FRMPD1: variants seen among roughly 807,000 people sequenced by gnomAD.
FRMPD1 encodes FERM and PDZ domain containing 1.
A neutral mutation model predicts 117.8 loss-of-function variants in FRMPD1; 76 were observed. The observed-to-expected ratio is 0.65, with a 90% confidence interval of 0.54 to 0.78. The LOEUF (loss-of-function observed/expected upper bound fraction) is 0.78, where lower values mean the gene tolerates loss of function less well. FRMPD1 is among the 30% of genes least tolerant of loss of function. The pLI is 0.00. For synonymous variants in FRMPD1, 783 were observed against 770.4 expected, an observed-to-expected ratio of 1.02 and a Z score of -0.27; for missense variants, 1,786 against 1,964.5, an observed-to-expected ratio of 0.91 and a Z score of 1.72.
chr9:37,687,148 A>G (rs59213179), intron 1 of FRMPD1, among the ~76,000 whole-genome samples: 7,722 of 152,210 alleles, frequency 0.051, 584 homozygotes, highest in East Asian at 0.37. Flanking sequence ...GATCTTAACA[A>G]TTCTTGAGGA....
intron 2 of FRMPD1, among the ~76,000 whole-genome samples, chr9:37,705,116 G>GATCC (rs2086871985): frequency 6.6e-6 from 1 of 151,386 alleles, no homozygotes; most frequent in African/African-American, 2.4e-5. Flanking sequence ...TGTGTTTTGT[G>GATCC]TTTTTATCCT....
the FRMPD1 span, among the ~76,000 whole-genome samples, chr9:37,605,331 C>G: frequency 6.6e-6 from 1 of 152,168 alleles, no homozygotes; most frequent in Non-Finnish European, 1.5e-5. Flanking sequence ...GGGCTGGCAA[C>G]AAAGCCCAAC....
At chr9:37,730,508 T>G (rs1000716554) in intron 8 of FRMPD1, among the ~76,000 whole-genome samples, 3 of 152,228 alleles carry the variant, frequency 2.0e-5, no homozygotes, top group Non-Finnish European at 4.4e-5. Context: ...ACTCACCGAT[T>G]AGAAGGTTTA....
In FRMPD1 at chr9:37,655,496, C is replaced by CTTTT. The variant is rs10615941; in HGVS notation, c.-5+4424_-5+4427dup. Among the ~76,000 whole-genome samples the CTTTT allele has an allele frequency of 2.8e-3, 252 of 88,586 alleles. 3 individuals carry two copies. Among genetic ancestry groups the CTTTT allele is most frequent in the East Asian group, 0.015 (31 of 2,042 alleles). The allele number at this position is 88,586 out of a possible 152,430, so 58.1% of individuals were successfully genotyped here. ...CCCTCCTCTGCACCATGTCCCCACT[C>CTTTT]TTTTTTTTTTTTTTTTTTTTTTTTT... On this transcript the variant is annotated intron_variant, in intron 1 of 15. Coordinates refer to ENST00000377765, the MANE Select transcript of FRMPD1 (RefSeq NM_014907.3).
intron 1 of FRMPD1, among the ~76,000 whole-genome samples, chr9:37,656,299 C>T (rs1820842873): frequency 6.6e-6 from 1 of 152,220 alleles, no homozygotes; most frequent in Non-Finnish European, 1.5e-5. Context: ...ATTCTGATCC[C>T]TCAAGATGTA....
At chr9:37,743,520 C>CTTTTTTTTT (rs531949141) in intron 15 of FRMPD1, among the ~76,000 whole-genome samples, 3 of 40,934 alleles carry the variant, frequency 7.3e-5, no homozygotes, top group South Asian at 1.4e-3. Flanking sequence ...AATGGCTCTG[C>CTTTTTTTTT]TTTTTTTTTT....
upstream of FRMPD1, among the ~76,000 whole-genome samples, chr9:37,650,745 C>T (rs1820641761): frequency 6.6e-6 from 1 of 151,952 alleles, no homozygotes; most frequent in African/African-American, 2.4e-5. Flanking sequence ...GCGGCGGAGG[C>T]AGGGCCCGGG....
At chr9:37,737,264 C>G (rs1315633217) in intron 14 of FRMPD1, 21 bp downstream of exon 14, 1 of 1,613,080 alleles carries the variant, frequency 6.2e-7, no homozygotes, top group South Asian at 1.1e-5. Context: ...GAGTCTTGCC[C>G]CAATAAGGAC....
chr9:37,639,866 A>C, the FRMPD1 span, among the ~76,000 whole-genome samples: 2 of 152,134 alleles, frequency 1.3e-5, no homozygotes, highest in African/African-American at 2.4e-5. Context: ...TTGCCATGTT[A>C]CCCAGGCTGG....
At chr9:37,708,327 C>A in intron 3 of FRMPD1, 72 bp from the exon 4 acceptor site, 1 of 885,158 alleles carries the variant, frequency 1.1e-6, no homozygotes, top group Non-Finnish European at 1.9e-6. Flanking sequence ...TGCCATTTAA[C>A]TGTGCCGCTA....
chr9:37,732,237 C>A, intron 9 of FRMPD1, 67 bp from the exon 10 acceptor site: 12 of 1,553,828 alleles, frequency 7.7e-6, no homozygotes, highest in Non-Finnish European at 1.1e-5. Flanking sequence ...TGCCTTTCAC[C>A]CGAGAGAACG....
Position 37,745,976 on chromosome 9 carries a change from C to CT in FRMPD1, c.3947dup (p.Leu1316PhefsTer8), listed in dbSNP as rs766278721. 5 of 1,614,228 alleles carry CT rather than the reference C, an allele frequency of 3.1e-6. No homozygotes were observed. In the South Asian group the frequency reaches 4.4e-5, roughly 14 times the overall value. On this transcript the variant is annotated frameshift_variant, in exon 16 of 16. Transcript: ENST00000377765. LOFTEE classifies it high-confidence loss of function. ...TCTGCCAGTCTCAGGGTGGCCACAT[C>CT]TTTGGGTTTTGCAGGCATGAATGAG...
In FRMPD1 at chr9:37,746,673, C is replaced by G; in HGVS notation, c.4641C>G (p.His1547Gln). 6.2e-7 allele frequency: 1 copy of G among 1,614,010 alleles called. No individual in the cohort carries two copies. The highest frequency in any genetic ancestry group is 1.1e-5 in the South Asian group (1 of 91,088). ...AAKSTCERGYHDLSVKLLARQ... is the reference protein window; with the variant it reads ...AAKSTCERGYQDLSVKLLARQ... ...AATCGACCTGCGAGAGAGGCTACCA[C>G]GACCTGAGTGTGAAACTCCTGGCCC... Residue 1547 changes from histidine (H) to glutamine (Q), a missense_variant, in exon 16 of 16, where the codon CAC becomes CAG. Transcript: ENST00000377765.
chr9:37,719,098 G>A lies in FRMPD1; in HGVS notation c.438G>A (p.Glu146=), dbSNP rs1322917978. ...SGVPKSSFLT[E]EKRARLKTNP... is the part of the protein sequence containing the mutation. ...TCCCTAAATCGTCCTTCCTGACCGAGGAGAAGAGAGCCAGACTGAAGACCA... is the reference window on the plus strand; with the variant it reads ...TCCCTAAATCGTCCTTCCTGACCGAAGAGAAGAGAGCCAGACTGAAGACCA... Residue 146 remains glutamate, a synonymous_variant, in exon 6 of 16, where the codon GAG becomes GAA. Transcript: ENST00000377765. The A allele has an allele frequency of 6.2e-7, 1 of 1,613,172 alleles. No homozygotes were observed. Among genetic ancestry groups the A allele is most frequent in the Admixed American group, 1.7e-5 (1 of 60,014 alleles).
chr9:37,636,891 T>G, the FRMPD1 span: 1 of 1,610,872 alleles, frequency 6.2e-7, no homozygotes, highest in South Asian at 1.1e-5. Context: ...TCCTTGGCTG[T>G]GGTGTTGTCC....
At chr9:37,717,699 C>T (rs948999648) in intron 5 of FRMPD1, among the ~76,000 whole-genome samples, 5 of 151,744 alleles carry the variant, frequency 3.3e-5, no homozygotes, top group East Asian at 1.9e-4. Context: ...CAAGAATTAA[C>T]GACAAACTAA....
chr9:37,678,090 G>T (rs1705405158), intron 1 of FRMPD1, among the ~76,000 whole-genome samples: 1 of 152,070 alleles, frequency 6.6e-6, no homozygotes, highest in African/African-American at 2.4e-5. Context: ...GCCCTTGGCT[G>T]GAGATTTGAC....
chr9:37,639,397 T>A, the FRMPD1 span, among the ~76,000 whole-genome samples: 1 of 152,126 alleles, frequency 6.6e-6, no homozygotes, highest in Non-Finnish European at 1.5e-5. Context: ...AAATTAAATA[T>A]CCCATTGTAA....
intron 5 of FRMPD1, among the ~76,000 whole-genome samples, chr9:37,718,505 ATGAC>A (rs1234505541): frequency 6.6e-6 from 1 of 152,220 alleles, no homozygotes; most frequent in Non-Finnish European, 1.5e-5. Context: ...CCAACCTGTG[ATGAC>A]TCTCTTTACT....
Sources: allele counts gnomAD v4.1 joint callset (sites outside exome capture counted in the v4.1 genomes callset), GRCh38; gene constraint gnomAD v4.1.1; transcripts MANE v1.5; gene names NCBI Gene and HGNC (gene_info 2026-07-23, HGNC 2026-07-21).